KIAA1328: variants seen among roughly 807,000 people sequenced by gnomAD.
KIAA1328 encodes the protein KIAA1328.
KIAA1328 carries 52 observed loss-of-function variants against 68.1 expected under a neutral mutation model. That is an observed-to-expected ratio of 0.76 (90% CI 0.61 to 0.96). The LOEUF is 0.96. Ranked by LOEUF, KIAA1328 falls within the 40% of genes least tolerant of loss-of-function variation. KIAA1328 has a pLI of 0.00. For synonymous variants in KIAA1328, 232 were observed against 239.4 expected, an observed-to-expected ratio of 0.97 and a Z score of 0.28; for missense variants, 641 against 677.6, an observed-to-expected ratio of 0.95 and a Z score of 0.60.
intron 6 of KIAA1328, among the ~76,000 whole-genome samples, chr18:37,060,096 A>G (rs1009948021): frequency 1.3e-5 from 2 of 152,252 alleles, no homozygotes; most frequent in South Asian, 2.1e-4. Context: ...ACCATGGCAC[A>G]TGTATACCTA....
chr18:36,927,553 T>C (rs2050162474), intron 5 of KIAA1328, among the ~76,000 whole-genome samples: 1 of 152,080 alleles, frequency 6.6e-6, no homozygotes, highest in Non-Finnish European at 1.5e-5. Context: ...TCGAGACTAG[T>C]CTGGGCAATA....
chr18:37,023,960 G>C (rs1299301480), intron 6 of KIAA1328, among the ~76,000 whole-genome samples: 1 of 152,076 alleles, frequency 6.6e-6, no homozygotes, highest in East Asian at 1.9e-4. Flanking sequence ...CTCTCCTCCA[G>C]TCTTTTACCC....
intron 6 of KIAA1328, among the ~76,000 whole-genome samples, chr18:37,028,661 T>TA (rs2054695900): frequency 6.6e-6 from 1 of 152,176 alleles, no homozygotes. Flanking sequence ...GCTGTGGGTT[T>TA]ATCATAGATG....
chr18:37,109,216 G>A lies in KIAA1328; in HGVS notation c.1232+41671G>A, dbSNP rs376578924. Among the ~76,000 whole-genome samples the A allele has an allele frequency of 7.2e-5, 11 of 152,252 alleles. No homozygotes were observed. In the South Asian group the frequency reaches 8.3e-4, roughly 11 times the overall value. On this transcript the variant is annotated intron_variant, in intron 7 of 9. Coordinates refer to ENST00000280020, the MANE Select transcript of KIAA1328 (RefSeq NM_020776.3). ...GGATTGGTTCCAAGTCTTTGCTATT[G>A]TGAATAGTGCTGCAATAAACATATG... is the stretch of plus-strand genomic sequence containing the variant.
At chr18:37,116,564 G>A (rs1276433140) in intron 7 of KIAA1328, among the ~76,000 whole-genome samples, 61 of 149,050 alleles carry the variant, frequency 4.1e-4, no homozygotes, top group African/African-American at 1.5e-3. Context: ...AACCCTAGAA[G>A]AAAACCTAGG....
intron 6 of KIAA1328, among the ~76,000 whole-genome samples, chr18:37,019,285 C>G (rs1380896770): frequency 6.6e-6 from 1 of 152,108 alleles, no homozygotes; most frequent in African/African-American, 2.4e-5. Context: ...GCAGTTCATC[C>G]TACGAGCCCA....
intron 9 of KIAA1328, among the ~76,000 whole-genome samples, chr18:37,206,408 C>T (rs947598049): frequency 6.6e-6 from 1 of 152,146 alleles, no homozygotes; most frequent in Non-Finnish European, 1.5e-5. Flanking sequence ...ATAACAATTT[C>T]TGTTTCTCCT....
At chr18:37,092,720 G>A (rs2057300256) in intron 7 of KIAA1328, among the ~76,000 whole-genome samples, 2 of 152,190 alleles carry the variant, frequency 1.3e-5, no homozygotes, top group East Asian at 1.9e-4. Context: ...GGCCTGCTCA[G>A]CCCATCACTG....
intron 6 of KIAA1328, among the ~76,000 whole-genome samples, chr18:37,064,490 T>C (rs918940623): frequency 2.0e-5 from 3 of 152,042 alleles, no homozygotes; most frequent in African/African-American, 4.8e-5. Context: ...ATTTCAATTG[T>C]TTTAAATTAC....
intron 7 of KIAA1328, among the ~76,000 whole-genome samples, chr18:37,079,849 T>C (rs2056887413): frequency 6.9e-6 from 1 of 145,950 alleles, no homozygotes; most frequent in Non-Finnish European, 1.5e-5. Context: ...ATTGGGCCAC[T>C]GCACTCTAGC....
intron 9 of KIAA1328, among the ~76,000 whole-genome samples, chr18:37,186,898 G>A (rs750302933): frequency 6.6e-6 from 1 of 152,158 alleles, no homozygotes; most frequent in Admixed American, 6.5e-5. Flanking sequence ...CATTGGCCAG[G>A]CATGGTGGCT....
Position 37,223,085 on chromosome 18 carries a change from A to G in KIAA1328, c.*858A>G. 1 of 882,430 alleles carries G rather than the reference A, an allele frequency of 1.1e-6. No homozygotes were observed. Among genetic ancestry groups the G allele is most frequent in the Non-Finnish European group, 1.3e-6 (1 of 778,744 alleles). The allele number at this position is 882,430 out of a possible 1,614,324, so 54.7% of individuals were successfully genotyped here. On this transcript the variant is annotated 3_prime_UTR_variant, in exon 10 of 10. Transcript: ENST00000280020. Reference sequence around the variant, plus strand: ...ACCCCCCATCACACGTGCTCCTGTGAACTTTCCATGGTTATGTCTACGGAA... The same window carrying G: ...ACCCCCCATCACACGTGCTCCTGTGGACTTTCCATGGTTATGTCTACGGAA...
chr18:37,035,676 A>G (rs1430363608), intron 6 of KIAA1328, among the ~76,000 whole-genome samples: 1 of 152,204 alleles, frequency 6.6e-6, no homozygotes, highest in Admixed American at 6.5e-5. Context: ...CCCGTATTAT[A>G]GTTTTATCCA....
At chr18:37,206,360 A>G (rs991450998) in intron 9 of KIAA1328, among the ~76,000 whole-genome samples, 7 of 152,168 alleles carry the variant, frequency 4.6e-5, no homozygotes, top group Admixed American at 2.0e-4. Context: ...TAGTAGCCCT[A>G]TGGTAGTATC....
intron 9 of KIAA1328, among the ~76,000 whole-genome samples, chr18:37,178,234 A>G (rs2059631750): frequency 6.6e-6 from 1 of 152,078 alleles, no homozygotes; most frequent in Non-Finnish European, 1.5e-5. Context: ...AGCCTCTAGT[A>G]TCACTATCAT....
At chr18:36,854,485 G>T (rs986033407) in intron 4 of KIAA1328, among the ~76,000 whole-genome samples, 1 of 151,974 alleles carries the variant, frequency 6.6e-6, no homozygotes, top group Non-Finnish European at 1.5e-5. Flanking sequence ...ACCTTTACCA[G>T]TTTTCTTTAT....
At chr18:36,831,494 G>A (rs1568049494) in intron 1 of KIAA1328, among the ~76,000 whole-genome samples, 1 of 152,152 alleles carries the variant, frequency 6.6e-6, no homozygotes, top group Non-Finnish European at 1.5e-5. Context: ...CTTCATTACA[G>A]TTCCTAGTAA....
At chr18:36,955,722 G>A (rs2051384477) in intron 5 of KIAA1328, 1 of 151,986 alleles carries the variant, frequency 6.6e-6, no homozygotes, top group African/African-American at 2.4e-5. Context: ...ACCCCAAAAT[G>A]GGGTTCAGCC....
intron 6 of KIAA1328, among the ~76,000 whole-genome samples, chr18:37,023,781 G>GTATT (rs199968737): frequency 0.033 from 5,033 of 151,954 alleles, 291 homozygotes; most frequent in African/African-American, 0.12. Flanking sequence ...AACATCATCT[G>GTATT]TATTTATTTA....
Sources: gnomAD v4.1 joint callset for allele counts (sites outside exome capture counted in the v4.1 genomes callset) on GRCh38, gnomAD v4.1.1 for gene constraint, MANE v1.5 for transcripts, NCBI Gene and HGNC (gene_info 2026-07-23, HGNC 2026-07-21) for gene names.